SERPINA1: variants seen among roughly 807,000 people sequenced by gnomAD.
SERPINA1 encodes serpin family A member 1.
In SERPINA1, 21 loss-of-function variants were observed where a neutral mutation model predicts 25.4. The ratio of observed to expected loss-of-function variants is 0.83; its 90% CI spans 0.59 to 1.19. The LOEUF is 1.19. Ranked by LOEUF, SERPINA1 falls within the 50% of genes most tolerant of loss-of-function variation. The pLI is 0.00. For missense variants in SERPINA1, 546 were observed against 509.0 expected, an observed-to-expected ratio of 1.07 and a Z score of -0.70; for synonymous variants, 218 against 211.1, an observed-to-expected ratio of 1.03 and a Z score of -0.29.
chr14:94,389,227 G>A (rs1238252222), upstream of SERPINA1, among the ~76,000 whole-genome samples: 1 of 152,250 alleles, frequency 6.6e-6, no homozygotes, highest in Non-Finnish European at 1.5e-5. Flanking sequence ...CATCTGTAAA[G>A]AAGAGCTGTG....
chr14:94,383,179 G>A lies in SERPINA1; in HGVS notation c.59C>T (p.Pro20Leu), dbSNP rs1897078339. The A allele has an allele frequency of 6.2e-7, 1 of 1,614,162 alleles. No individual in the cohort carries two copies. The highest frequency in any genetic ancestry group is 1.7e-5 in the Admixed American group (1 of 60,018). The part of the protein sequence containing the change: ...LLLAGLCCLV[P>L]VSLAEDPQGD... ...CTGGGGATCCTCAGCCAGGGAGACAGGGACCAGGCAGCACAGGCCTGCCAG... is the reference window on the plus strand; with the variant it reads ...CTGGGGATCCTCAGCCAGGGAGACAAGGACCAGGCAGCACAGGCCTGCCAG... The change falls in exon 2 of 5, where the codon CCT becomes CTT. Residue 20 changes from proline to leucine, a missense_variant. Coordinates refer to ENST00000393087, the MANE Select transcript of SERPINA1 (RefSeq NM_000295.5).
chr14:94,383,452 A>G (rs1052525909), intron 1 of SERPINA1: 2 of 592,850 alleles, frequency 3.4e-6, no homozygotes, highest in African/African-American at 1.9e-5. Flanking sequence ...CCGTGCTCAC[A>G]TGTGTTAATT....
intron 2 of SERPINA1, among the ~76,000 whole-genome samples, chr14:94,382,053 GTCTT>G (rs1362462580): frequency 3.3e-5 from 5 of 152,196 alleles, no homozygotes; most frequent in African/African-American, 1.2e-4. Context: ...CATCCCCACA[GTCTT>G]TGTCATTTGT....
At chr14:94,381,273 C>T (rs1896896859) in intron 2 of SERPINA1, 132 bp from the exon 3 acceptor site, 2 of 859,922 alleles carry the variant, frequency 2.3e-6, no homozygotes, top group African/African-American at 1.8e-5. Flanking sequence ...CCTCGAGGCT[C>T]AGCTTCATCA....
chr14:94,384,394 C>G (rs1897160232), intron 1 of SERPINA1, among the ~76,000 whole-genome samples: 1 of 152,178 alleles, frequency 6.6e-6, no homozygotes, highest in South Asian at 2.1e-4. Context: ...GTTGCAAATT[C>G]AAAGGCTTCA....
At position 94,388,583 on chromosome 14, in the gene SERPINA1, T is replaced by C. The variant is rs1435366149; in HGVS notation, c.-28A>G. On this transcript the variant is annotated 5_prime_UTR_variant, in exon 1 of 5. Coordinates refer to ENST00000393087, the MANE Select transcript of SERPINA1 (RefSeq NM_000295.5). ...ACGATTCACTGTCCCAGGTCAGTGG[T>C]GGTGCCTGAAGCTGAGGAGACAGGG... 6.6e-6 allele frequency: 1 copy of C among 152,182 alleles called. No individual in the cohort carries two copies. The highest frequency in any genetic ancestry group is 2.4e-5 in the African/African-American group (1 of 41,398). The allele number at this position is 152,182 out of a possible 1,614,324, so 9.4% of individuals were successfully genotyped here.
chr14:94,389,808 G>C (rs1007103204), upstream of SERPINA1: 2 of 152,226 alleles, frequency 1.3e-5, no homozygotes, highest in African/African-American at 4.8e-5. Flanking sequence ...TGACCCACAG[G>C]ATCCTCCAGC....
chr14:94,378,575 T>G lies in SERPINA1; in HGVS notation c.1131A>C (p.Leu377Phe). 6.2e-7 allele frequency: 1 copy of G among 1,614,050 alleles called. No homozygotes were observed. Among genetic ancestry groups the G allele is most frequent in the Non-Finnish European group, 8.5e-7 (1 of 1,179,996 alleles). Residue 377 changes from leucine to phenylalanine, a missense_variant, in exon 5 of 5, where the codon TTA becomes TTC. By Grantham distance (22) the Leu-to-Phe change is conservative (BLOSUM62 0). Coordinates refer to ENST00000393087, the MANE Select transcript of SERPINA1 (RefSeq NM_000295.5). ...GGGGGATAGACATGGGTATGGCCTC[T>G]AAAAACATGGCCCCAGCAGCTTCAG... Reference protein sequence around the residue: ...KGTEAAGAMFLEAIPMSIPPE... With the variant: ...KGTEAAGAMFFEAIPMSIPPE...
chr14:94,387,723 T>C (rs1897375917), intron 1 of SERPINA1, among the ~76,000 whole-genome samples: 1 of 152,188 alleles, frequency 6.6e-6, no homozygotes, highest in Non-Finnish European at 1.5e-5. Context: ...GCCAGGTGCC[T>C]GAGCCCGAAT....
chr14:94,387,877 A>G (rs1897384193), intron 1 of SERPINA1, among the ~76,000 whole-genome samples: 1 of 152,046 alleles, frequency 6.6e-6, no homozygotes, highest in Non-Finnish European at 1.5e-5. Context: ...CCTGGTGCAG[A>G]GCGATTATTC....
rs562161103 is a variant in SERPINA1, at chr14:94,377,395, T to C, written c.*1054A>G. ...CAGGAACAGCCTCCTGCCGTGGCAC[T>C]GGAGCTGCGGTGGCCCTCTGAAGAC... is the stretch of plus-strand genomic sequence containing the variant. On this transcript the variant is annotated 3_prime_UTR_variant, in exon 5 of 5. Transcript: ENST00000393087. 25 of 152,436 alleles carry C rather than the reference T, an allele frequency of 1.6e-4. No individual in the cohort carries two copies. Among genetic ancestry groups the C allele is most frequent in the Admixed American group, 1.4e-3 (21 of 15,306 alleles). The allele number at this position is 152,436 out of a possible 1,614,324, so 9.4% of individuals were successfully genotyped here.
rs1479870890 is a variant in SERPINA1 at position 94,382,876 on chromosome 14, T to C, written c.362A>G (p.Gln121Arg). The change falls in exon 2 of 5, where the codon CAG (glutamine) becomes CGG (arginine). Residue 121 changes from glutamine (Q) to arginine (R), a missense_variant. Physicochemically the swap from Gln to Arg is conservative, Grantham distance 43 (BLOSUM62 1). Transcript: ENST00000393087. ...IPEAQIHEGF[Q>R]ELLRTLNQPD... The stretch of plus-strand genomic sequence containing the variant: ...CTGGTTGAGGGTACGGAGGAGTTCC[T>C]GGAAGCCTTCATGGATCTGAGCCTC... The C allele has an allele frequency of 1.9e-6, 3 of 1,614,172 alleles. No homozygotes were observed. The South Asian group carries it at 3.3e-5, about 18-fold the overall frequency.
Position 94,377,228 on chromosome 14 carries a change from T to C in SERPINA1, c.*1221A>G, listed in dbSNP as rs11832. 0.62 allele frequency: 95,041 copies of C among 152,176 alleles called. 32,278 individuals are homozygous for C. The highest frequency in any genetic ancestry group is 0.9 in the African/African-American group (37,383 of 41,554). 9.4% of individuals were successfully genotyped at this position (152,176 alleles called of 1,614,324 possible). A position where few individuals can be genotyped will look rare whatever the true frequency, so the allele number is the denominator to read the frequency against. ...GTTTGGGATGGGGCAGTGCCTTCCA[T>C]AGGACAAGGCCATTCCTGGTAGAGA... On this transcript the variant is annotated 3_prime_UTR_variant, in exon 5 of 5. Transcript: ENST00000393087.
chr14:94,388,996 A>G (rs1162872693), upstream of SERPINA1: 1 of 152,286 alleles, frequency 6.6e-6, no homozygotes, highest in East Asian at 1.9e-4. Context: ...CTGATGCTGA[A>G]GACTTACTGC....
At chr14:94,381,825 A>G (rs1896945618) in intron 2 of SERPINA1, among the ~76,000 whole-genome samples, 1 of 152,222 alleles carries the variant, frequency 6.6e-6, no homozygotes, top group South Asian at 2.1e-4. Flanking sequence ...GCTGCTCTCC[A>G]CTGCCCTCCT....
Position 94,382,590 on chromosome 14 carries a change from A to G in SERPINA1, c.646+2T>C, listed in dbSNP as rs112661131. On this transcript the variant is annotated splice_donor_variant, in intron 2 of 4. Transcript: ENST00000393087. LOFTEE classifies it high-confidence loss of function. ...CAGCTCAGGCTGGTTGAGCAACCTT[A>G]CCTTTAAAGAAGATGTAATTCACCA... 9 of 1,614,074 alleles carry G rather than the reference A, an allele frequency of 5.6e-6. No individual in the cohort carries two copies. In the African/African-American group the frequency reaches 8.0e-5, roughly 14 times the overall value.
At chr14:94,390,123 T>C (rs1161422331), upstream of SERPINA1, among the ~76,000 whole-genome samples, 7 of 152,146 alleles carry the variant, frequency 4.6e-5, no homozygotes, top group Non-Finnish European at 7.4e-5. Flanking sequence ...AGTTACCCTG[T>C]GAAGGGAGTA....
intron 1 of SERPINA1, among the ~76,000 whole-genome samples, chr14:94,384,592 G>A (rs183816010): frequency 3.9e-5 from 6 of 152,174 alleles, no homozygotes; most frequent in East Asian, 3.9e-4. Context: ...CCCAGGCTTC[G>A]GACCACCAGC....
In SERPINA1 at chr14:94,380,969, G is replaced by T. The variant is rs2230075; in HGVS notation, c.819C>A (p.Thr273=). ...CCTCATCAGGCAGGAAGAAGATGGC[G>T]GTGGCATTGCCCAGGTATTTCATCA... ...VLLMKYLGNA[T]AIFFLPDEGK... The change falls in exon 3 of 5, where the codon ACC becomes ACA. Residue 273 remains threonine, a synonymous_variant. Coordinates refer to ENST00000393087, the MANE Select transcript of SERPINA1 (RefSeq NM_000295.5). The T allele has an allele frequency of 1.2e-6, 2 of 1,614,040 alleles. No homozygotes were observed. Among genetic ancestry groups the T allele is most frequent in the African/African-American group, 1.3e-5 (1 of 74,908 alleles).
Sources: gnomAD v4.1 joint callset for allele counts (sites outside exome capture counted in the v4.1 genomes callset) on GRCh38, gnomAD v4.1.1 for gene constraint, MANE v1.5 for transcripts, NCBI Gene and HGNC (gene_info 2026-07-23, HGNC 2026-07-21) for gene names.